Variants in NTRK2 observed in about 807,000 individuals in gnomAD.
The protein encoded by NTRK2 is BDNF/NT-3 growth factors receptor.
A neutral mutation model predicts 94.5 loss-of-function variants in NTRK2; 13 were observed. The observed-to-expected ratio is 0.14, with a 90% CI of 0.09 to 0.22. The LOEUF (loss-of-function observed/expected upper bound fraction) is 0.22. Among genes scored for constraint, NTRK2 ranks in the 10% least tolerant of loss-of-function variants. The pLI, the probability that NTRK2 is intolerant of heterozygous loss-of-function variation, is 1.00. For missense variants in NTRK2, 639 were observed against 1,071.2 expected, an observed-to-expected ratio of 0.60 and a Z score of 5.63; for synonymous variants, 372 against 407.4, an observed-to-expected ratio of 0.91 and a Z score of 1.05.
chr9:84,761,452 G>A (rs959314852), intron 12 of NTRK2, among the ~76,000 whole-genome samples: 1 of 152,148 alleles, frequency 6.6e-6, no homozygotes. Context: ...TGGATTGCCT[G>A]TAAATGAAAA....
At chr9:84,743,525 G>A (rs1038490927) in intron 10 of NTRK2, among the ~76,000 whole-genome samples, 5 of 152,154 alleles carry the variant, frequency 3.3e-5, no homozygotes, top group African/African-American at 1.2e-4. Flanking sequence ...TATGATTTGT[G>A]TGTTGTTGTG....
intron 12 of NTRK2, among the ~76,000 whole-genome samples, chr9:84,776,721 C>G (rs186909668): frequency 3.3e-5 from 5 of 152,162 alleles, no homozygotes; most frequent in African/African-American, 1.2e-4. Flanking sequence ...TTCCAAAACC[C>G]CATGAGTGTG....
chr9:84,811,430 T>C, intron 12 of NTRK2: 1 of 1,065,928 alleles, frequency 9.4e-7, no homozygotes, highest in Non-Finnish European at 1.1e-6. Context: ...AATATATGCA[T>C]ATGGTGAAAT....
chr9:85,013,828 G>T (rs1352745933), intron 17 of NTRK2, among the ~76,000 whole-genome samples: 1 of 152,080 alleles, frequency 6.6e-6, no homozygotes, highest in African/African-American at 2.4e-5. Context: ...AGTTTCTAAG[G>T]GACTAGGATG....
At chr9:84,791,109 A>T (rs758252985) in intron 12 of NTRK2, among the ~76,000 whole-genome samples, 3 of 152,204 alleles carry the variant, frequency 2.0e-5, no homozygotes, top group Non-Finnish European at 2.9e-5. Flanking sequence ...GACCAAAATA[A>T]GTGAAATGTT....
chr9:84,886,075 A>G (rs1474171488), intron 14 of NTRK2, among the ~76,000 whole-genome samples: 3 of 152,190 alleles, frequency 2.0e-5, no homozygotes, highest in Admixed American at 2.0e-4. Context: ...GAGAATACAG[A>G]ACACCTGTAG....
At chr9:84,924,657 A>C (rs1380392137) in intron 14 of NTRK2, among the ~76,000 whole-genome samples, 2 of 152,240 alleles carry the variant, frequency 1.3e-5, no homozygotes, top group Non-Finnish European at 2.9e-5. Context: ...TTAGTCTAAC[A>C]GCTTGAAAGA....
chr9:84,908,973 A>G (rs934976000), intron 14 of NTRK2, among the ~76,000 whole-genome samples: 1 of 152,190 alleles, frequency 6.6e-6, no homozygotes, highest in Non-Finnish European at 1.5e-5. Context: ...TTGTAAAACT[A>G]TAGTACAATA....
rs142035866 is a variant in NTRK2 at position 84,799,747 on chromosome 9, T to C, written c.1396+47662T>C. ...TGGTATTCCGTGCCATTCTACTGAA[T>C]ATAAACAAGAAATCTAACAGTTCAG... is the stretch of plus-strand genomic sequence containing the variant. On this transcript the variant is annotated intron_variant, in intron 12 of 18. Transcript: ENST00000277120. Among the ~76,000 whole-genome samples, 735 of 152,262 alleles carry C rather than the reference T, an allele frequency of 4.8e-3. 3 individuals carry two copies. The highest frequency in any genetic ancestry group is 0.01 in the Middle Eastern group (3 of 292).
At chr9:84,921,503 A>C (rs2077565366) in intron 14 of NTRK2, among the ~76,000 whole-genome samples, 1 of 148,200 alleles carries the variant, frequency 6.7e-6, no homozygotes, top group Non-Finnish European at 1.5e-5. Context: ...GGCAGGGGAC[A>C]AAAAAAATAC....
chr9:84,872,514 C>T, intron 14 of NTRK2: 5 of 1,066,978 alleles, frequency 4.7e-6, no homozygotes, highest in South Asian at 9.1e-5. Context: ...TAAATATGTA[C>T]CTGGATGTGT....
At chr9:84,937,223 C>T (rs1041052601) in intron 15 of NTRK2, among the ~76,000 whole-genome samples, 3 of 152,216 alleles carry the variant, frequency 2.0e-5, no homozygotes, top group African/African-American at 7.2e-5. Context: ...CAGCTTCTCA[C>T]CTCTATGGAG....
chr9:84,688,862 C>CT (rs1322794476), intron 2 of NTRK2, among the ~76,000 whole-genome samples: 2 of 152,014 alleles, frequency 1.3e-5, no homozygotes, highest in Non-Finnish European at 1.5e-5. Context: ...TTTCCATTTT[C>CT]TTTGGGAGTT....
intron 12 of NTRK2, among the ~76,000 whole-genome samples, chr9:84,838,356 C>T (rs747674750): frequency 3.3e-5 from 5 of 151,878 alleles, no homozygotes; most frequent in South Asian, 2.1e-4. Context: ...AATAATTAAC[C>T]GAATTCATTG....
chr9:84,778,343 C>T lies in NTRK2; in HGVS notation c.1396+26258C>T, dbSNP rs12554467. Among the ~76,000 whole-genome samples, 1,225 of 152,292 alleles carry T rather than the reference C, an allele frequency of 8.0e-3. 20 individuals carry two copies. Among genetic ancestry groups the T allele is most frequent in the East Asian group, 0.044 (227 of 5,176 alleles). On this transcript the variant is annotated intron_variant, in intron 12 of 18. Transcript: ENST00000277120. The stretch of plus-strand genomic sequence containing the variant: ...TTGCTTCCTTTAAATAAATTGGCCA[C>T]CAGCTCAGCTTATTTCTCTCCTATG...
chr9:84,777,879 C>T (rs546762070), intron 12 of NTRK2, among the ~76,000 whole-genome samples: 3 of 152,264 alleles, frequency 2.0e-5, no homozygotes, highest in Admixed American at 6.5e-5. Flanking sequence ...TCTTTGCCCC[C>T]GGTGATTCAA....
At position 84,670,686 on chromosome 9, in the gene NTRK2, G is replaced by A; in HGVS notation, c.-63G>A. On this transcript the variant is annotated 5_prime_UTR_variant, in exon 2 of 19. Coordinates refer to ENST00000277120, the MANE Select transcript of NTRK2 (RefSeq NM_006180.6). ...AGCGCAGGGAAGGCCTCCCCGCACG[G>A]GTGGGGGAAAGCGGCCGGTGCAGCG... 1 of 1,556,834 alleles carries A rather than the reference G, an allele frequency of 6.4e-7. No homozygotes were observed. The highest frequency in any genetic ancestry group is 8.8e-7 in the Non-Finnish European group (1 of 1,136,448).
chr9:84,798,452 A>T (rs916792884), intron 12 of NTRK2, among the ~76,000 whole-genome samples: 33 of 152,132 alleles, frequency 2.2e-4, no homozygotes, highest in African/African-American at 8.0e-4. Flanking sequence ...ACCATATTGT[A>T]TTTCATTCTA....
At chr9:85,004,039 A>AAAGAAAGAG (rs1554785025) in intron 17 of NTRK2, among the ~76,000 whole-genome samples, 32 of 40,936 alleles carry the variant, frequency 7.8e-4, no homozygotes, top group African/African-American at 2.7e-3. Context: ...GAAAGAGAGA[A>AAAGAAAGAG]AGAAAGGGAG....
Sources: gnomAD v4.1 joint callset for allele counts (sites outside exome capture counted in the v4.1 genomes callset) on GRCh38, gnomAD v4.1.1 for gene constraint, MANE v1.5 for transcripts, NCBI Gene and HGNC (gene_info 2026-07-23, HGNC 2026-07-21) for gene names.